LCLAT1: variants seen among roughly 807,000 people sequenced by gnomAD.
LCLAT1 encodes 1-AGP acyltransferase 8.
LCLAT1 carries 11 observed loss-of-function variants against 30.7 expected under a neutral mutation model. The observed-to-expected ratio is 0.36, with a 90% CI of 0.23 to 0.59. LCLAT1 has a LOEUF of 0.59. Among genes scored for constraint, LCLAT1 ranks in the 20% least tolerant of loss-of-function variants. The pLI is 0.77. For synonymous variants in LCLAT1, 155 were observed against 151.3 expected (o/e 1.02, Z -0.18); for missense variants, 402 against 458.6 (o/e 0.88, Z 1.13).
intron 1 of LCLAT1, among the ~76,000 whole-genome samples, chr2:30,471,311 G>A (rs1279533665): frequency 6.6e-6 from 1 of 152,012 alleles, no homozygotes; most frequent in Non-Finnish European, 1.5e-5. Context: ...CCGGGTTCAA[G>A]CGATTCTTCT....
chr2:30,552,292 GCA>G (rs1664715597), intron 3 of LCLAT1, among the ~76,000 whole-genome samples: 1 of 152,138 alleles, frequency 6.6e-6, no homozygotes, highest in Admixed American at 6.5e-5. Flanking sequence ...TCATTGTCAA[GCA>G]AGAATTTTTA....
At chr2:30,636,554 C>T (rs1034515822) in intron 5 of LCLAT1, among the ~76,000 whole-genome samples, 1 of 152,086 alleles carries the variant, frequency 6.6e-6, no homozygotes, top group Admixed American at 6.5e-5. Flanking sequence ...CCACAGCCCT[C>T]CCTCCACACT....
chr2:30,540,956 C>T (rs1029820336), intron 3 of LCLAT1, among the ~76,000 whole-genome samples: 4 of 152,166 alleles, frequency 2.6e-5, no homozygotes, highest in African/African-American at 9.7e-5. Context: ...AGCCACCACA[C>T]CCGGCCACAT....
chr2:30,533,256 C>T lies in LCLAT1; in HGVS notation c.306C>T (p.Ser102=), dbSNP rs762555069. The T allele has an allele frequency of 6.2e-7, 1 of 1,614,082 alleles. No individual in the cohort carries two copies. The highest frequency in any genetic ancestry group is 1.1e-5 in the South Asian group (1 of 91,080). Residue 102 remains serine (S), a synonymous_variant, in exon 3 of 6, where the codon AGC becomes AGT. Coordinates refer to ENST00000379509, the MANE Select transcript of LCLAT1 (RefSeq NM_001002257.3). ...MFLWNCLMRY[S]YLRLEKICLK... ...TGTGGAATTGCCTGATGCGATATAGCTACCTCAGATTGGAGAAAATTTGCC... is the reference window on the plus strand; with the variant it reads ...TGTGGAATTGCCTGATGCGATATAGTTACCTCAGATTGGAGAAAATTTGCC...
chr2:30,536,116 G>T (rs1419743611), intron 3 of LCLAT1, among the ~76,000 whole-genome samples: 1 of 152,048 alleles, frequency 6.6e-6, no homozygotes, highest in Non-Finnish European at 1.5e-5. Flanking sequence ...TAGATCAAAA[G>T]AAAGAATGAA....
chr2:30,451,137 G>C (rs1056036977), intron 1 of LCLAT1, among the ~76,000 whole-genome samples: 6 of 152,198 alleles, frequency 3.9e-5, no homozygotes, highest in African/African-American at 1.4e-4. Flanking sequence ...ATTTGCCAGT[G>C]GGAAATATAA....
intron 1 of LCLAT1, among the ~76,000 whole-genome samples, chr2:30,510,230 T>G (rs980997748): frequency 2.0e-5 from 3 of 152,222 alleles, no homozygotes; most frequent in Non-Finnish European, 2.9e-5. Flanking sequence ...CCTTAGTCTT[T>G]GTTTACTTCT....
At chr2:30,621,086 G>A (rs1249842320) in intron 5 of LCLAT1, among the ~76,000 whole-genome samples, 1 of 152,052 alleles carries the variant, frequency 6.6e-6, no homozygotes, top group Non-Finnish European at 1.5e-5. Flanking sequence ...AAGTTCCGGT[G>A]GCCAGGTATC....
At chr2:30,459,355 C>T (rs567634561) in intron 1 of LCLAT1, among the ~76,000 whole-genome samples, 31 of 152,270 alleles carry the variant, frequency 2.0e-4, no homozygotes, top group Non-Finnish European at 5.9e-5. Context: ...GGGCTCTCAC[C>T]TCAGTCTTTT....
chr2:30,621,617 C>T (rs750620017), intron 5 of LCLAT1, among the ~76,000 whole-genome samples: 4 of 152,044 alleles, frequency 2.6e-5, no homozygotes, highest in African/African-American at 4.8e-5. Flanking sequence ...AAACTGTGAG[C>T]GACCAAAGTG....
intron 5 of LCLAT1, among the ~76,000 whole-genome samples, chr2:30,597,953 C>T (rs1038310807): frequency 6.6e-6 from 1 of 152,062 alleles, no homozygotes; most frequent in African/African-American, 2.4e-5. Context: ...TGTTGATTTG[C>T]ATTATGTTGA....
intron 2 of LCLAT1, among the ~76,000 whole-genome samples, chr2:30,531,282 A>C (rs1376991298): frequency 1.3e-5 from 2 of 152,034 alleles, no homozygotes; most frequent in African/African-American, 4.8e-5. Flanking sequence ...AAAAAAGAAA[A>C]AGGGACATTT....
chr2:30,593,290 T>C (rs1666776556), intron 5 of LCLAT1, among the ~76,000 whole-genome samples: 1 of 151,658 alleles, frequency 6.6e-6, no homozygotes, highest in Admixed American at 6.6e-5. Context: ...ATGGAATACA[T>C]TTTCTTTTCC....
intron 1 of LCLAT1, among the ~76,000 whole-genome samples, chr2:30,457,546 T>C (rs1426216168): frequency 1.3e-5 from 2 of 152,242 alleles, no homozygotes; most frequent in Non-Finnish European, 2.9e-5. Context: ...GTTTTCTTTT[T>C]CTCTTTTGTG....
chr2:30,499,175 T>TTTG (rs1373658073), intron 1 of LCLAT1, among the ~76,000 whole-genome samples: 2 of 151,858 alleles, frequency 1.3e-5, no homozygotes, highest in South Asian at 2.1e-4. Flanking sequence ...GCAGCTGTGT[T>TTTG]TTGTTGTTGT....
intron 5 of LCLAT1, among the ~76,000 whole-genome samples, chr2:30,632,371 G>A (rs1033344168): frequency 1.3e-5 from 2 of 152,188 alleles, no homozygotes; most frequent in African/African-American, 4.8e-5. Context: ...AACTTAAAAT[G>A]TCTAAGGAGT....
chr2:30,601,639 C>T (rs193112364), intron 5 of LCLAT1, among the ~76,000 whole-genome samples: 18 of 145,974 alleles, frequency 1.2e-4, no homozygotes, highest in Admixed American at 6.2e-4. Flanking sequence ...TCATGGTCAG[C>T]AGTGCAAGCT....
chr2:30,501,082 G>GTGTGTA (rs1553362947), intron 1 of LCLAT1, among the ~76,000 whole-genome samples: 7,149 of 78,224 alleles, frequency 0.091, 185 homozygotes, highest in Admixed American at 0.14. Context: ...TGTTCTGTGT[G>GTGTGTA]TGTGTGTGTG....
chr2:30,501,181 G>C (rs1684368373), intron 1 of LCLAT1, among the ~76,000 whole-genome samples: 1 of 151,718 alleles, frequency 6.6e-6, no homozygotes, highest in South Asian at 2.1e-4. Flanking sequence ...AGGTGAATTT[G>C]AGACTGATCT....
Sources: allele counts gnomAD v4.1 joint callset (sites outside exome capture counted in the v4.1 genomes callset), GRCh38; gene constraint gnomAD v4.1.1; transcripts MANE v1.5; gene names NCBI Gene and HGNC (gene_info 2026-07-23, HGNC 2026-07-21).